SEPTIN7: variants seen among roughly 807,000 people sequenced by gnomAD.
SEPTIN7 encodes the protein septin-7.
In SEPTIN7, 10 loss-of-function variants were observed where a neutral mutation model predicts 63.3. The ratio of observed to expected loss-of-function variants is 0.16; its 90% CI spans 0.10 to 0.27. The LOEUF is 0.27. Ranked by LOEUF, SEPTIN7 falls within the 10% of genes least tolerant of loss-of-function variation. SEPTIN7 has a pLI of 1.00. For missense variants in SEPTIN7, 310 were observed against 521.0 expected, an observed-to-expected ratio of 0.59 and a Z score of 3.94; for synonymous variants, 131 against 165.3, an observed-to-expected ratio of 0.79 and a Z score of 1.59.
At chr7:35,896,078 G>A (rs760852224) in intron 11 of SEPTIN7, among the ~76,000 whole-genome samples, 3 of 152,186 alleles carry the variant, frequency 2.0e-5, no homozygotes, top group Non-Finnish European at 2.9e-5. Flanking sequence ...CAAACTGCTA[G>A]CATTACAGGT....
chr7:35,871,333 C>G (rs1258715443), intron 4 of SEPTIN7, among the ~76,000 whole-genome samples: 1 of 152,074 alleles, frequency 6.6e-6, no homozygotes, highest in African/African-American at 2.4e-5. Context: ...CTCTTGATTG[C>G]TGTAGACCTC....
the SEPTIN7 span, among the ~76,000 whole-genome samples, chr7:35,914,638 CCTCTCT>C: frequency 0.19 from 27,701 of 148,502 alleles, 2,687 homozygotes; most frequent in East Asian, 0.28. Flanking sequence ...TCTTTCTGTC[CCTCTCT>C]CTCTCTCTCT....
intron 3 of SEPTIN7, among the ~76,000 whole-genome samples, chr7:35,843,584 G>A (rs1307104173): frequency 6.6e-6 from 1 of 152,120 alleles, no homozygotes; most frequent in African/African-American, 2.4e-5. Context: ...TAGTTTTTTC[G>A]ATGCCTAAAA....
chr7:35,870,809 AG>A (rs1208057110), intron 4 of SEPTIN7, among the ~76,000 whole-genome samples: 1 of 146,538 alleles, frequency 6.8e-6, no homozygotes, highest in African/African-American at 2.5e-5. Flanking sequence ...TGAGCAACAG[AG>A]TGAGACCCTG....
the SEPTIN7 span, among the ~76,000 whole-genome samples, chr7:35,913,166 AT>A: frequency 6.6e-6 from 1 of 152,138 alleles, no homozygotes; most frequent in South Asian, 2.1e-4. Flanking sequence ...TCAGAGGGTT[AT>A]GGACTCTCAG....
At chr7:35,834,270 A>G (rs1370382470) in intron 3 of SEPTIN7, among the ~76,000 whole-genome samples, 2 of 152,046 alleles carry the variant, frequency 1.3e-5, no homozygotes, top group Non-Finnish European at 1.5e-5. Flanking sequence ...ACAATTAAAA[A>G]AATTTCCTTT....
chr7:35,872,783 C>G lies in SEPTIN7; in HGVS notation c.377+17C>G. 6.4e-7 allele frequency: 1 copy of G among 1,563,228 alleles called. No homozygotes were observed. Among genetic ancestry groups the G allele is most frequent in the South Asian group, 1.1e-5 (1 of 89,986 alleles). On this transcript the variant is annotated intron_variant, in intron 5 of 13. Coordinates refer to ENST00000350320, the MANE Select transcript of SEPTIN7 (RefSeq NM_001788.6). Reference sequence around the variant, plus strand: ...TAGTAATTGGTAAGAAGGGTTTGTCCTCACAACTTTGCAGTGCATTTGGGG... The same window carrying G: ...TAGTAATTGGTAAGAAGGGTTTGTCGTCACAACTTTGCAGTGCATTTGGGG...
chr7:35,875,824 G>T (rs1447675158), intron 6 of SEPTIN7, among the ~76,000 whole-genome samples: 1 of 152,098 alleles, frequency 6.6e-6, no homozygotes, highest in South Asian at 2.1e-4. Context: ...CCCTGTGGTT[G>T]TTCATTATGC....
chr7:35,871,814 A>T (rs1355963101), intron 4 of SEPTIN7, among the ~76,000 whole-genome samples: 1 of 152,128 alleles, frequency 6.6e-6, no homozygotes, highest in African/African-American at 2.4e-5. Context: ...TGGAGGAATT[A>T]TTCCCTTTTC....
chr7:35,905,344 A>T lies in SEPTIN7; in HGVS notation c.*1051A>T, dbSNP rs1188124500. ...GTCTTAAATATCCTACAGTCGATGTACAAGAGTAGAGTATGTTTGGGAAGA... is the reference window on the plus strand; with the variant it reads ...GTCTTAAATATCCTACAGTCGATGTTCAAGAGTAGAGTATGTTTGGGAAGA... On this transcript the variant is annotated 3_prime_UTR_variant, in exon 14 of 14. Transcript: ENST00000350320. The T allele has an allele frequency of 6.6e-6, 1 of 152,582 alleles. No homozygotes were observed. The highest frequency in any genetic ancestry group is 1.5e-5 in the Non-Finnish European group (1 of 68,038). The allele number at this position is 152,582 out of a possible 1,614,324, so 9.5% of individuals were successfully genotyped here.
intron 3 of SEPTIN7, among the ~76,000 whole-genome samples, chr7:35,858,819 T>A (rs1785351439): frequency 6.6e-6 from 1 of 152,082 alleles, no homozygotes; most frequent in Non-Finnish European, 1.5e-5. Context: ...TAGCTGAGAT[T>A]ACAGGCATGC....
At position 35,801,115 on chromosome 7, in the gene SEPTIN7, T is replaced by TA. The variant is rs1192924761; in HGVS notation, c.-94dup. On this transcript the variant is annotated 5_prime_UTR_variant, in exon 1 of 14. Coordinates refer to ENST00000350320, the MANE Select transcript of SEPTIN7 (RefSeq NM_001788.6). ...CTGTAGCGTGCGTAAGCAAGGCAGC[T>TA]ACGCCGGGCGGCTACGCTGCGGAAT... 9.6e-7 allele frequency: 1 copy of TA among 1,040,130 alleles called. No individual in the cohort carries two copies. The highest frequency in any genetic ancestry group is 1.7e-5 in the African/African-American group (1 of 58,860). 64.4% of individuals were successfully genotyped at this position (1,040,130 alleles called of 1,614,324 possible).
chr7:35,877,595 A>T (rs899373663), intron 6 of SEPTIN7, among the ~76,000 whole-genome samples: 1 of 152,230 alleles, frequency 6.6e-6, no homozygotes, highest in African/African-American at 2.4e-5. Flanking sequence ...TTAGAATGGT[A>T]GTCCTTTGCA....
chr7:35,810,570 G>A (rs1209756746), intron 1 of SEPTIN7, among the ~76,000 whole-genome samples: 2 of 151,920 alleles, frequency 1.3e-5, no homozygotes, highest in Admixed American at 6.6e-5. Context: ...TGATCCGCCC[G>A]CCTTGGCCTC....
At position 35,904,432 on chromosome 7, in the gene SEPTIN7, T is replaced by G. The variant is rs56326736; in HGVS notation, c.*139T>G. The G allele has an allele frequency of 3.7e-4, 216 of 591,202 alleles. No homozygotes were observed. The highest frequency in any genetic ancestry group is 5.5e-4 in the Non-Finnish European group (200 of 366,742). 36.6% of individuals were successfully genotyped at this position (591,202 alleles called of 1,614,324 possible). A position where few individuals can be genotyped will look rare whatever the true frequency, so the allele number is the denominator to read the frequency against. ...TAACAGCATGACAAAAATTATTTTT[T>G]TTTTTGTTCTTGATGGAGATTAAGA... On this transcript the variant is annotated 3_prime_UTR_variant, in exon 14 of 14. Coordinates refer to ENST00000350320, the MANE Select transcript of SEPTIN7 (RefSeq NM_001788.6).
chr7:35,851,976 C>T (rs1310584771), intron 3 of SEPTIN7, among the ~76,000 whole-genome samples: 2 of 152,278 alleles, frequency 1.3e-5, no homozygotes, highest in South Asian at 2.1e-4. Flanking sequence ...ACTTTACCCC[C>T]CTGCATCCCT....
At chr7:35,908,166 G>T (rs1443153739), downstream of SEPTIN7, among the ~76,000 whole-genome samples, 1 of 152,138 alleles carries the variant, frequency 6.6e-6, no homozygotes, top group African/African-American at 2.4e-5. Context: ...TGCCGAGATG[G>T]TTTATCAGAG....
rs935228365 is a variant in SEPTIN7 at position 35,906,468 on chromosome 7, G to T, written c.*2175G>T. On this transcript the variant is annotated 3_prime_UTR_variant, in exon 14 of 14. Transcript: ENST00000350320. ...GGTAGGCCTAAGGAAAGGCCAGCCT[G>T]TAGAAAGCAAAATGGCAGTGTCTGT... 7 of 152,230 alleles carry T rather than the reference G, an allele frequency of 4.6e-5. No homozygotes were observed. Among genetic ancestry groups the T allele is most frequent in the Admixed American group, 2.6e-4 (4 of 15,282 alleles). 9.4% of individuals were successfully genotyped at this position (152,230 alleles called of 1,614,324 possible).
downstream of SEPTIN7, among the ~76,000 whole-genome samples, chr7:35,910,133 G>A (rs2116424831): frequency 6.6e-6 from 1 of 152,360 alleles, no homozygotes; most frequent in East Asian, 1.9e-4. Context: ...AGTAATCCAA[G>A]AGAGAGCAAG....
Sources: allele counts gnomAD v4.1 joint callset (sites outside exome capture counted in the v4.1 genomes callset), GRCh38; gene constraint gnomAD v4.1.1; transcripts MANE v1.5; gene names NCBI Gene and HGNC (gene_info 2026-07-23, HGNC 2026-07-21).